The following STAG1 variants were observed in gnomAD, a reference collection of about 807,000 sequenced individuals.
The protein encoded by STAG1 is cohesin subunit SA-1.
In STAG1, 26 loss-of-function variants were observed where a neutral mutation model predicts 170.9. The ratio of observed to expected loss-of-function variants is 0.15; its 90% CI spans 0.11 to 0.21. The LOEUF is 0.21. Among genes scored for constraint, STAG1 ranks in the 10% least tolerant of loss-of-function variants. STAG1 has a pLI of 1.00. For missense variants in STAG1, 964 were observed against 1,509.5 expected (o/e 0.64, Z 5.99); for synonymous variants, 514 against 497.7 (o/e 1.03, Z -0.44).
intron 2 of STAG1, among the ~76,000 whole-genome samples, chr3:136,626,804 T>C (rs1306970124): frequency 6.6e-6 from 1 of 152,212 alleles, no homozygotes; most frequent in Non-Finnish European, 1.5e-5. Flanking sequence ...CCTGATTTTA[T>C]GAATGAGGAA....
rs1168182393 is a variant in STAG1, at chr3:136,609,967, A to T, written c.133-5494T>A. On this transcript the variant is annotated intron_variant, in intron 3 of 33. Coordinates refer to ENST00000383202, the MANE Select transcript of STAG1 (RefSeq NM_005862.3). ...AGTTATAGTCCTGAATTTAAAAAAAAAATTTTGCATTTTAATGTCTTGGAT... is the reference window on the plus strand; with the variant it reads ...AGTTATAGTCCTGAATTTAAAAAAATAATTTTGCATTTTAATGTCTTGGAT... 2.0e-5 allele frequency among the ~76,000 whole-genome samples: 3 copies of T among 152,192 alleles called. No homozygotes were observed. The East Asian group carries it at 5.8e-4, about 29-fold the overall frequency.
intron 1 of STAG1, among the ~76,000 whole-genome samples, chr3:136,682,096 C>T (rs1942356125): frequency 6.6e-6 from 1 of 152,020 alleles, no homozygotes; most frequent in South Asian, 2.1e-4. Flanking sequence ...TCTCTATTTG[C>T]AGAAGACATG....
intron 4 of STAG1, among the ~76,000 whole-genome samples, chr3:136,582,493 G>A (rs991412008): frequency 2.0e-5 from 3 of 152,254 alleles, no homozygotes; most frequent in Middle Eastern, 3.4e-3. Flanking sequence ...CTTTAAATTT[G>A]GATCATATAA....
chr3:136,692,798 T>C (rs1261616234), intron 1 of STAG1, among the ~76,000 whole-genome samples: 1 of 152,224 alleles, frequency 6.6e-6, no homozygotes, highest in Non-Finnish European at 1.5e-5. Flanking sequence ...CAGCTTTGTA[T>C]TCCTTAATTA....
At chr3:136,340,700 G>GTA (rs1935932275) in intron 31 of STAG1, 95 bp from the exon 32 acceptor site, 5 of 744,558 alleles carry the variant, frequency 6.7e-6, no homozygotes, top group Non-Finnish European at 1.2e-5. Flanking sequence ...ACCAAGTGAA[G>GTA]TATACCTTCT....
At chr3:136,653,899 A>T (rs184148002) in intron 1 of STAG1, among the ~76,000 whole-genome samples, 13 of 152,344 alleles carry the variant, frequency 8.5e-5, no homozygotes, top group African/African-American at 2.9e-4. Context: ...AAATCACATG[A>T]TCATCTCAAT....
chr3:136,683,821 C>G (rs546912489), intron 1 of STAG1, among the ~76,000 whole-genome samples: 1 of 152,136 alleles, frequency 6.6e-6, no homozygotes, highest in Non-Finnish European at 1.5e-5. Context: ...CCAAAAAACT[C>G]TTTGAACTAA....
chr3:136,524,202 C>G (rs565321219), intron 6 of STAG1, among the ~76,000 whole-genome samples: 1 of 152,110 alleles, frequency 6.6e-6, no homozygotes, highest in African/African-American at 2.4e-5. Flanking sequence ...GCCATTTTCA[C>G]GATATTGATT....
chr3:136,521,810 C>T (rs974926924), intron 6 of STAG1, among the ~76,000 whole-genome samples: 7 of 151,992 alleles, frequency 4.6e-5, no homozygotes, highest in African/African-American at 1.7e-4. Flanking sequence ...TGTGTCATAC[C>T]ACATCTTTCA....
At chr3:136,503,339 G>T (rs2107868427) in intron 7 of STAG1, among the ~76,000 whole-genome samples, 1 of 152,286 alleles carries the variant, frequency 6.6e-6, no homozygotes, top group Non-Finnish European at 1.5e-5. Flanking sequence ...CATTAAAAAT[G>T]TACTTTGTGA....
intron 1 of STAG1, among the ~76,000 whole-genome samples, chr3:136,685,762 T>C (rs1208995879): frequency 6.6e-6 from 1 of 152,152 alleles, no homozygotes; most frequent in Non-Finnish European, 1.5e-5. Flanking sequence ...AAAAGATCCA[T>C]GACTGCAAAG....
chr3:136,711,528 G>A (rs752556423), intron 1 of STAG1, among the ~76,000 whole-genome samples: 17 of 151,360 alleles, frequency 1.1e-4, no homozygotes, highest in African/African-American at 2.4e-4. Flanking sequence ...GCTACTGCAC[G>A]CCAGCCTGGG....
intron 1 of STAG1, among the ~76,000 whole-genome samples, chr3:136,746,747 G>A (rs1051546966): frequency 2.6e-5 from 4 of 152,116 alleles, no homozygotes; most frequent in African/African-American, 7.2e-5. Context: ...TCAGGAGTTC[G>A]AGACCAGCCT....
At chr3:136,379,953 TCTAAACACAATGG>T (rs1937857711) in intron 22 of STAG1, among the ~76,000 whole-genome samples, 1 of 152,212 alleles carries the variant, frequency 6.6e-6, no homozygotes, top group Non-Finnish European at 1.5e-5. Flanking sequence ...TGAATCATAT[TCTAAACACAATGG>T]AGAATGATGT....
At chr3:136,632,368 G>A (rs66637228) in intron 1 of STAG1, among the ~76,000 whole-genome samples, 13,074 of 152,142 alleles carry the variant, frequency 0.086, 589 homozygotes, top group African/African-American at 0.1. Flanking sequence ...GCACTATGGC[G>A]TCTTTTGCTT....
chr3:136,534,479 T>C (rs1479114552), intron 6 of STAG1, among the ~76,000 whole-genome samples: 1 of 151,990 alleles, frequency 6.6e-6, no homozygotes, highest in Non-Finnish European at 1.5e-5. Flanking sequence ...AGACAACCTC[T>C]TGAATGAGAG....
At position 136,695,517 on chromosome 3, in the gene STAG1, G is replaced by A. The variant is rs186664503; in HGVS notation, c.-84+56678C>T. ...AGTCCTCAATGGGGGAGTTACTTTC[G>A]CATGCCTTTGAACCCTGAAAGCCCA... On this transcript the variant is annotated intron_variant, in intron 1 of 33. Transcript: ENST00000383202. Among the ~76,000 whole-genome samples the A allele has an allele frequency of 5.9e-5, 9 of 151,492 alleles. No individual in the cohort carries two copies. In the East Asian group the frequency reaches 1.4e-3, roughly 23 times the overall value.
At chr3:136,349,103 C>T in intron 29 of STAG1, 55 bp downstream of exon 29, 2 of 1,281,234 alleles carry the variant, frequency 1.6e-6, no homozygotes, top group Non-Finnish European at 2.3e-6. Flanking sequence ...TTATTTACTA[C>T]TTTATCTCTT....
intron 9 of STAG1, 77 bp downstream of exon 9, chr3:136,500,144 TAC>T: frequency 1.1e-6 from 1 of 918,092 alleles, no homozygotes; most frequent in Non-Finnish European, 1.7e-6. Context: ...TAGTGAGTTT[TAC>T]AGTTAGCCTG....
Sources: allele counts gnomAD v4.1 joint callset (sites outside exome capture counted in the v4.1 genomes callset), GRCh38; gene constraint gnomAD v4.1.1; transcripts MANE v1.5; gene names NCBI Gene and HGNC (gene_info 2026-07-23, HGNC 2026-07-21).